LRRFIP1: variants seen among roughly 807,000 people sequenced by gnomAD.
LRRFIP1 encodes LRR binding FLII interacting protein 1.
A neutral mutation model predicts 104.4 loss-of-function variants in LRRFIP1; 62 were observed. The observed-to-expected ratio is 0.59, with a 90% CI of 0.48 to 0.73. The LOEUF (loss-of-function observed/expected upper bound fraction) is 0.73. LRRFIP1 is among the 30% of genes least tolerant of loss of function. LRRFIP1 has a pLI of 0.00. For missense variants in LRRFIP1, 796 were observed against 824.5 expected, an observed-to-expected ratio of 0.97 and a Z score of 0.42; for synonymous variants, 300 against 299.0, an observed-to-expected ratio of 1.00 and a Z score of -0.03.
At chr2:237,771,592 A>T (rs977887970) in intron 20 of LRRFIP1, among the ~76,000 whole-genome samples, 3 of 121,596 alleles carry the variant, frequency 2.5e-5, no homozygotes, top group African/African-American at 6.3e-5. Flanking sequence ...ACAACTGGAC[A>T]TGTTTCTGTC....
At chr2:237,635,560 A>T (rs2082958687) in intron 1 of LRRFIP1, among the ~76,000 whole-genome samples, 1 of 152,242 alleles carries the variant, frequency 6.6e-6, no homozygotes, top group African/African-American at 2.4e-5. Flanking sequence ...TATGGCTCAC[A>T]CCTGTAATTC....
At chr2:237,753,112 G>A (rs533689596) in intron 14 of LRRFIP1, among the ~76,000 whole-genome samples, 197 bp from the exon 15 acceptor site, 255 of 152,262 alleles carry the variant, frequency 1.7e-3, no homozygotes, top group Middle Eastern at 6.8e-3. Flanking sequence ...AATTTTCTGA[G>A]CAATGAGAAT....
intron 15 of LRRFIP1, among the ~76,000 whole-genome samples, chr2:237,754,341 A>G (rs1018650223): frequency 2.6e-5 from 4 of 152,212 alleles, no homozygotes; most frequent in African/African-American, 4.8e-5. Flanking sequence ...TTTCATTAGG[A>G]ACCACTGGAA....
In LRRFIP1 at chr2:237,676,321, GCCTTCTTTC is replaced by G. The variant is rs2091155776; in HGVS notation, c.97-32222_97-32214del. Among the ~76,000 whole-genome samples the G allele has an allele frequency of 2.5e-4, 38 of 152,320 alleles. No homozygotes were observed. The South Asian group carries it at 7.5e-3, about 30-fold the overall frequency. On this transcript the variant is annotated intron_variant, in intron 1 of 23. Coordinates refer to ENST00000308482, the MANE Select transcript of LRRFIP1 (RefSeq NM_001137550.2). ...AAGCAGTATTGCATGACACCAGCCT[GCCTTCTTTC>G]GTCCTTTTTAAAAAATTAGACCAGA...
At chr2:237,774,764 C>T (rs761448959) in intron 23 of LRRFIP1, among the ~76,000 whole-genome samples, 3 of 152,202 alleles carry the variant, frequency 2.0e-5, no homozygotes, top group East Asian at 1.9e-4. Flanking sequence ...TCTTATGCTC[C>T]GAATATTTTT....
In LRRFIP1 at chr2:237,772,064, C is replaced by G; in HGVS notation, c.1510-17C>G. ...AGAGTAGAGAAATTAACAGATTTTA[C>G]TGGCGGGTGTTTTCAGATTAAGAAA... On this transcript the variant is annotated splice_polypyrimidine_tract_variant and intron_variant, in intron 20 of 23. Transcript: ENST00000308482. 6.5e-7 allele frequency: 1 copy of G among 1,531,132 alleles called. No individual in the cohort carries two copies. Among genetic ancestry groups the G allele is most frequent in the Non-Finnish European group, 9.0e-7 (1 of 1,114,068 alleles). 94.8% of individuals were successfully genotyped at this position (1,531,132 alleles called of 1,614,324 possible). A position where few individuals can be genotyped will look rare whatever the true frequency, so the allele number is the denominator to read the frequency against.
chr2:237,692,255 C>T (rs1476912345), intron 1 of LRRFIP1: 4 of 1,144,190 alleles, frequency 3.5e-6, no homozygotes, highest in South Asian at 4.4e-5. Flanking sequence ...CGCCCCGCCC[C>T]TGTCGGCCGC....
chr2:237,701,657 A>G (rs913840085), intron 1 of LRRFIP1, among the ~76,000 whole-genome samples: 35 of 151,940 alleles, frequency 2.3e-4, no homozygotes, highest in Admixed American at 2.6e-4. Flanking sequence ...CGGGAGGCCC[A>G]TGGGGAGCCC....
intron 1 of LRRFIP1, among the ~76,000 whole-genome samples, chr2:237,662,347 C>T (rs1251650175): frequency 1.3e-5 from 2 of 152,184 alleles, no homozygotes; most frequent in Non-Finnish European, 2.9e-5. Context: ...AATAAGGCCC[C>T]ATCCACGGGT....
intron 10 of LRRFIP1, among the ~76,000 whole-genome samples, chr2:237,738,441 T>C (rs2095318644): frequency 6.6e-6 from 1 of 152,206 alleles, no homozygotes; most frequent in African/African-American, 2.4e-5. Flanking sequence ...CGAGGCTTGC[T>C]ATATGGTGCT....
At position 237,763,456 on chromosome 2, in the gene LRRFIP1, C is replaced by T. The variant is rs768167886; in HGVS notation, c.1459+3251C>T. ...AAAAGAAAAACAAGAAGAAAAAATC[C>T]CCAGTACCCGTAGAAACCCTTAAAG... On this transcript the variant is annotated intron_variant, in intron 19 of 23. Coordinates refer to ENST00000308482, the MANE Select transcript of LRRFIP1 (RefSeq NM_001137550.2). 2.5e-6 allele frequency: 4 copies of T among 1,613,092 alleles called. No homozygotes were observed. In the African/African-American group the frequency reaches 5.4e-5, roughly 22 times the overall value.
rs560826719 is a variant in LRRFIP1 at position 237,774,060 on chromosome 2, C to G, written c.1708-298C>G. The G allele has an allele frequency of 2.7e-5, 9 of 335,894 alleles. No individual in the cohort carries two copies. In the East Asian group the frequency reaches 5.8e-4, roughly 22 times the overall value. 20.8% of individuals were successfully genotyped at this position (335,894 alleles called of 1,614,324 possible). ...CACCATTCTGCCTGTTCCAACAGAA[C>G]AGCCCCACGCAGCGGGAGAAGAAGC... is the stretch of plus-strand genomic sequence containing the variant. On this transcript the variant is annotated intron_variant, in intron 22 of 23. Transcript: ENST00000308482.
intron 23 of LRRFIP1, among the ~76,000 whole-genome samples, chr2:237,778,812 G>T (rs1324135281): frequency 6.6e-6 from 1 of 152,060 alleles, no homozygotes; most frequent in Non-Finnish European, 1.5e-5. Flanking sequence ...AGCTACTCAG[G>T]AGGCTGAGAC....
rs1023311364 is a variant in LRRFIP1 at position 237,761,290 on chromosome 2, C to T, written c.1459+1085C>T. On this transcript the variant is annotated intron_variant, in intron 19 of 23. Coordinates refer to ENST00000308482, the MANE Select transcript of LRRFIP1 (RefSeq NM_001137550.2). The stretch of plus-strand genomic sequence containing the variant: ...CTTCTAATCCCAGCGCTGCGGGTGG[C>T]CAAGGCTGGAGGATCACTTAAGACC... 2.0e-5 allele frequency among the ~76,000 whole-genome samples: 3 copies of T among 152,298 alleles called. No individual in the cohort carries two copies. The Middle Eastern group carries it at 0.01, about 518-fold the overall frequency.
At chr2:237,635,724 C>T (rs1465008107) in intron 1 of LRRFIP1, among the ~76,000 whole-genome samples, 1 of 152,010 alleles carries the variant, frequency 6.6e-6, no homozygotes, top group Non-Finnish European at 1.5e-5. Flanking sequence ...ATTTGGGAAT[C>T]TGAGGCAGGA....
At chr2:237,628,003 C>G (rs2081832721) in intron 1 of LRRFIP1, among the ~76,000 whole-genome samples, 1 of 151,292 alleles carries the variant, frequency 6.6e-6, no homozygotes, top group Non-Finnish European at 1.5e-5. Context: ...CTCCCCCACC[C>G]CGGCCACCGT....
At chr2:237,749,756 C>T (rs1012709594) in intron 13 of LRRFIP1, among the ~76,000 whole-genome samples, 1 of 152,186 alleles carries the variant, frequency 6.6e-6, no homozygotes, top group Non-Finnish European at 1.5e-5. Flanking sequence ...CTTGCCCTTT[C>T]CTTTCTCTTT....
intron 10 of LRRFIP1, among the ~76,000 whole-genome samples, chr2:237,736,302 G>A (rs969717801): frequency 6.6e-6 from 1 of 152,152 alleles, no homozygotes; most frequent in African/African-American, 2.4e-5. Flanking sequence ...TATTACATAA[G>A]TTGTTCAGTA....
intron 1 of LRRFIP1, among the ~76,000 whole-genome samples, chr2:237,669,653 T>A (rs1017537341): frequency 1.4e-4 from 21 of 152,190 alleles, no homozygotes; most frequent in Non-Finnish European, 1.5e-5. Flanking sequence ...TGTATGATGT[T>A]GAGGCCGTCA....
Sources: allele counts gnomAD v4.1 joint callset (sites outside exome capture counted in the v4.1 genomes callset), GRCh38; gene constraint gnomAD v4.1.1; transcripts MANE v1.5; gene names NCBI Gene and HGNC (gene_info 2026-07-23, HGNC 2026-07-21).